BCAS3: variants seen among roughly 807,000 people sequenced by gnomAD.
The protein encoded by BCAS3 is BCAS3 microtubule associated cell migration factor, also known as BCAS4/BCAS3 fusion.
Under a neutral mutation model 116.1 loss-of-function variants are expected in BCAS3, and 53 were observed. That is an observed-to-expected ratio of 0.46 (90% CI 0.37 to 0.57). The LOEUF is 0.57. Among genes scored for constraint, BCAS3 ranks in the 20% least tolerant of loss-of-function variants. BCAS3 has a pLI of 0.00. For missense variants in BCAS3, 917 were observed against 1,165.4 expected, an observed-to-expected ratio of 0.79 and a Z score of 3.10; for synonymous variants, 391 against 408.2, an observed-to-expected ratio of 0.96 and a Z score of 0.51.
At chr17:60,911,677 T>G (rs1599631776) in intron 12 of BCAS3, among the ~76,000 whole-genome samples, 1 of 152,294 alleles carries the variant, frequency 6.6e-6, no homozygotes, top group East Asian at 1.9e-4. Flanking sequence ...TCAGGTGATA[T>G]GCCCGTCTCG....
chr17:61,255,192 C>T (rs2048691231), intron 22 of BCAS3, among the ~76,000 whole-genome samples: 1 of 152,196 alleles, frequency 6.6e-6, no homozygotes, highest in Non-Finnish European at 1.5e-5. Flanking sequence ...TCTCCATCCA[C>T]ATCTCTATCC....
rs77907823 is a variant in BCAS3, at chr17:61,300,866, C to T, written c.2426-67461C>T. 7.4e-4 allele frequency among the ~76,000 whole-genome samples: 113 copies of T among 152,320 alleles called. 2 individuals carry two copies. In the East Asian group the frequency reaches 0.021, roughly 29 times the overall value. On this transcript the variant is annotated intron_variant, in intron 22 of 23. Transcript: ENST00000407086. The surrounding 1 kb of genome is among the most constrained non-coding windows in gnomAD (Gnocchi z 5.1). ...CCCAGGAATCATTTGTAGGCAAACA[C>T]ATATATTTGTGACAGGACATCTTCA...
At chr17:60,681,492 C>T (rs1000225241) in intron 2 of BCAS3, among the ~76,000 whole-genome samples, 2 of 151,302 alleles carry the variant, frequency 1.3e-5, no homozygotes, top group South Asian at 2.1e-4. Context: ...AAGAGCAAGA[C>T]TTCATTTCCA....
rs1250776752 is a variant in BCAS3 at position 61,364,375 on chromosome 17, G to A, written c.2426-3952G>A. On this transcript the variant is annotated intron_variant, in intron 22 of 23. Transcript: ENST00000407086. The surrounding 1 kb of genome is among the most constrained non-coding windows in gnomAD (Gnocchi z 5.4). Reference sequence around the variant, plus strand: ...TTTTTAAATGTCATTGGTTGAAGGTGACAGGAGTTCTCAAAATGGTAGGAA... The same window carrying A: ...TTTTTAAATGTCATTGGTTGAAGGTAACAGGAGTTCTCAAAATGGTAGGAA... Among the ~76,000 whole-genome samples the A allele has an allele frequency of 1.3e-5, 2 of 152,212 alleles. No homozygotes were observed.
chr17:61,329,497 C>G (rs982392013), intron 22 of BCAS3, among the ~76,000 whole-genome samples: 2 of 151,882 alleles, frequency 1.3e-5, no homozygotes, highest in South Asian at 4.1e-4. Flanking sequence ...CCCGCCACCA[C>G]GCCCGGCTAA....
rs181380608 is a variant in BCAS3, at chr17:60,862,199, C to T, written c.477-6377C>T. Among the ~76,000 whole-genome samples, 5 of 152,254 alleles carry T rather than the reference C, an allele frequency of 3.3e-5. No homozygotes were observed. The East Asian group carries it at 5.8e-4, about 18-fold the overall frequency. ...TCGAGAGGCTGAGGCAGGAGAATGG[C>T]GTGAACCCAGGAGGTGGAGCTTGCA... On this transcript the variant is annotated intron_variant, in intron 7 of 23. Transcript: ENST00000407086.
At chr17:60,800,824 T>G (rs1287069183) in intron 6 of BCAS3, among the ~76,000 whole-genome samples, 1 of 152,162 alleles carries the variant, frequency 6.6e-6, no homozygotes, top group Non-Finnish European at 1.5e-5. Flanking sequence ...TTGTTGACTA[T>G]TCTTCCTCCA....
Position 61,051,351 on chromosome 17 carries a change from A to G in BCAS3, c.2029+10459A>G, listed in dbSNP as rs1039812447. Among the ~76,000 whole-genome samples, 3 of 149,972 alleles carry G rather than the reference A, an allele frequency of 2.0e-5. No homozygotes were observed. The highest frequency in any genetic ancestry group is 7.3e-5 in the African/African-American group (3 of 41,264). On this transcript the variant is annotated intron_variant, in intron 19 of 23. Transcript: ENST00000407086. The surrounding 1 kb of genome is among the most constrained non-coding windows in gnomAD (Gnocchi z 4.1). ...TATTACAAGGTTGATCTTTGTGGTGATAGGACAGTTCTGTATCTTGATTGT... is the reference window on the plus strand; with the variant it reads ...TATTACAAGGTTGATCTTTGTGGTGGTAGGACAGTTCTGTATCTTGATTGT...
At chr17:61,125,758 G>T (rs900156441) in intron 22 of BCAS3, among the ~76,000 whole-genome samples, 5 of 152,114 alleles carry the variant, frequency 3.3e-5, no homozygotes, top group South Asian at 2.1e-4. Flanking sequence ...GACTTTTCCA[G>T]ATCTTACAGC....
intron 22 of BCAS3, chr17:61,135,871 G>A (rs921902895): frequency 6.6e-6 from 1 of 152,296 alleles, no homozygotes; most frequent in African/African-American, 2.4e-5. Context: ...ACTTACTGTC[G>A]GGCTGGTTAC....
intron 6 of BCAS3, among the ~76,000 whole-genome samples, chr17:60,776,133 A>C (rs2045260583): frequency 6.6e-6 from 1 of 152,182 alleles, no homozygotes; most frequent in Non-Finnish European, 1.5e-5. Flanking sequence ...TTGCCCTGAG[A>C]AATTTTCTTT....
intron 22 of BCAS3, among the ~76,000 whole-genome samples, chr17:61,268,306 G>C (rs1026755882): frequency 6.6e-6 from 1 of 151,980 alleles, no homozygotes; most frequent in African/African-American, 2.4e-5. Context: ...TAGTGTTTCT[G>C]CCTGTCTATC....
rs1411218085 is a variant in BCAS3 at position 61,244,031 on chromosome 17, T to G, written c.2426-124296T>G. Among the ~76,000 whole-genome samples, 1 of 152,116 alleles carries G rather than the reference T, an allele frequency of 6.6e-6. No homozygotes were observed. Among genetic ancestry groups the G allele is most frequent in the East Asian group, 1.9e-4 (1 of 5,194 alleles). On this transcript the variant is annotated intron_variant, in intron 22 of 23. Transcript: ENST00000407086. This position sits in a 1 kb window ranked among gnomAD's most constrained non-coding sequence, Gnocchi z 4.9. ...GTCCTGAACTCCTGGCCTCAAGTGA[T>G]TCTCCCTGTCTCAGCCTCCCAAAGG... is the stretch of plus-strand genomic sequence containing the variant.
chr17:60,854,351 A>G (rs531330625), intron 7 of BCAS3, among the ~76,000 whole-genome samples: 10 of 152,320 alleles, frequency 6.6e-5, no homozygotes, highest in East Asian at 3.9e-4. Context: ...TAGTGCCGCA[A>G]TGAACATACG....
chr17:60,922,950 G>A (rs1296940060), intron 12 of BCAS3, among the ~76,000 whole-genome samples: 1 of 152,118 alleles, frequency 6.6e-6, no homozygotes, highest in African/African-American at 2.4e-5. Context: ...TTATATGGAA[G>A]AAAATTTACA....
In BCAS3 at chr17:61,380,581, G is replaced by T; in HGVS notation, c.2594-11396G>T. Reference sequence around the variant, plus strand: ...GCAGTGAAGTGTTTTGGTATGTAACGTCCTATCTTTGCCTATGTGGAAGGG... The same window carrying T: ...GCAGTGAAGTGTTTTGGTATGTAACTTCCTATCTTTGCCTATGTGGAAGGG... On this transcript the variant is annotated intron_variant, in intron 23 of 23. Coordinates refer to ENST00000407086, the MANE Select transcript of BCAS3 (RefSeq NM_017679.5). This position sits in a 1 kb window ranked among gnomAD's most constrained non-coding sequence, Gnocchi z 4.2. 6.3e-7 allele frequency: 1 copy of T among 1,596,718 alleles called. No homozygotes were observed. Among genetic ancestry groups the T allele is most frequent in the Non-Finnish European group, 8.5e-7 (1 of 1,178,366 alleles).
chr17:60,989,855 T>G (rs972658943), intron 14 of BCAS3, 116 bp from the exon 15 acceptor site: 2 of 1,123,658 alleles, frequency 1.8e-6, no homozygotes, highest in African/African-American at 1.6e-5. Context: ...TACCTGATCT[T>G]AGGTACATTT....
At chr17:60,889,426 A>G (rs1373045909) in intron 9 of BCAS3, among the ~76,000 whole-genome samples, 1 of 152,194 alleles carries the variant, frequency 6.6e-6, no homozygotes, top group Non-Finnish European at 1.5e-5. Context: ...ATAACTGTAT[A>G]AAATGCCCAG....
Position 60,770,846 on chromosome 17 carries a change from T to G in BCAS3, c.403+23567T>G, listed in dbSNP as rs1481196400. 6.0e-4 allele frequency among the ~76,000 whole-genome samples: 44 copies of G among 73,648 alleles called. No individual in the cohort carries two copies. The African/African-American group carries it at 0.012, about 20-fold the overall frequency. The allele number at this position is 73,648 out of a possible 152,430, so 48.3% of individuals were successfully genotyped here. A position where few individuals can be genotyped will look rare whatever the true frequency, so the allele number is the denominator to read the frequency against. ...AAAACTGAAATTTGTTTTTTTTTTT[T>G]TTTTTTTTTTTTTTTTTTTGAGACA... On this transcript the variant is annotated intron_variant, in intron 6 of 23. Coordinates refer to ENST00000407086, the MANE Select transcript of BCAS3 (RefSeq NM_017679.5).
Sources: allele counts gnomAD v4.1 joint callset (sites outside exome capture counted in the v4.1 genomes callset), GRCh38; gene constraint gnomAD v4.1.1; non-coding constraint Gnocchi (gnomAD v3.1); transcripts MANE v1.5; gene names NCBI Gene and HGNC (gene_info 2026-07-23, HGNC 2026-07-21).